The following CFAP47 variants were observed in gnomAD, a reference collection of about 807,000 sequenced individuals.
CFAP47 encodes cilia- and flagella-associated protein 47.
CFAP47 carries 29 observed loss-of-function variants against 148.1 expected under a neutral mutation model. The ratio of observed to expected loss-of-function variants is 0.20; its 90% CI spans 0.15 to 0.27. The LOEUF is 0.27. Ranked by LOEUF, CFAP47 falls within the 10% of genes least tolerant of loss-of-function variation. The pLI is 1.00. For synonymous variants in CFAP47, 664 were observed against 577.3 expected (o/e 1.15, Z -2.15); for missense variants, 1,872 against 1,697.5 (o/e 1.10, Z -1.81).
chrX:36,253,765 T>C (rs1336488009), intron 49 of CFAP47, among the ~76,000 whole-genome samples: 1 of 111,818 alleles, frequency 8.9e-6, no homozygotes, highest in Non-Finnish European at 1.9e-5. Context: ...TCTTTTCTTA[T>C]ATGTTGGCAA....
chrX:36,303,906 A>C lies in CFAP47; in HGVS notation c.8028A>C (p.Gln2676His). 8.8e-7 allele frequency: 1 copy of C among 1,142,319 alleles called. No homozygotes were observed. Among genetic ancestry groups the C allele is most frequent in the Non-Finnish European group, 1.2e-6 (1 of 854,245 alleles). The allele number at this position is 1,142,319 out of a possible 1,213,427, so 94.1% of individuals were successfully genotyped here. The change falls in exon 54 of 64, where the codon CAA becomes CAC. Residue 2676 changes from glutamine (Q) to histidine (H), a missense_variant. Gln to His is a conservative substitution (Grantham distance 24). Coordinates refer to ENST00000378653, the MANE Select transcript of CFAP47 (RefSeq NM_001304548.2). ...VNCTHETLKL[Q>H]VTNSNPENFV... The stretch of plus-strand genomic sequence containing the variant: ...GTACGCATGAAACCTTAAAATTGCA[A>C]GTAACAAACAGTAATCCTGAAAATT...
intron 22 of CFAP47, among the ~76,000 whole-genome samples, chrX:36,026,049 TAC>T (rs1937212510): frequency 8.9e-6 from 1 of 111,940 alleles, no homozygotes; most frequent in South Asian, 3.7e-4. Flanking sequence ...TTCCAAAAAG[TAC>T]ATATGTAACG....
chrX:35,955,754 C>T (rs1159044058), intron 7 of CFAP47, among the ~76,000 whole-genome samples: 1 of 112,225 alleles, frequency 8.9e-6, no homozygotes, highest in Admixed American at 9.5e-5. Context: ...ATGTAAAGTC[C>T]GTAAGAGCAG....
chrX:35,931,252 T>C (rs868492881), intron 2 of CFAP47, among the ~76,000 whole-genome samples: 4 of 111,737 alleles, frequency 3.6e-5, no homozygotes, highest in African/African-American at 1.3e-4. Context: ...TCTGGTAGAT[T>C]GATCCTTTTA....
intron 21 of CFAP47, among the ~76,000 whole-genome samples, chrX:36,004,232 G>A (rs1352473029): frequency 1.8e-5 from 2 of 109,823 alleles, no homozygotes; most frequent in East Asian, 2.9e-4. Context: ...CCACCATGGC[G>A]TCCCAAAATG....
At chrX:36,032,227 C>T (rs1937287610) in intron 23 of CFAP47, among the ~76,000 whole-genome samples, 1 of 109,581 alleles carries the variant, frequency 9.1e-6, no homozygotes, top group Non-Finnish European at 1.9e-5. Flanking sequence ...AAATTTTATT[C>T]AATCGATGTA....
At chrX:35,991,171 C>T (rs1472086870) in intron 16 of CFAP47, among the ~76,000 whole-genome samples, 1 of 111,244 alleles carries the variant, frequency 9.0e-6, no homozygotes, top group Non-Finnish European at 1.9e-5. Flanking sequence ...GTGATAGTAC[C>T]ATCCATTCAT....
At position 36,236,086 on chromosome X, in the gene CFAP47, T is replaced by A; in HGVS notation, c.7158+9T>A. 1 of 461,630 alleles carries A rather than the reference T, an allele frequency of 2.2e-6. No individual in the cohort carries two copies. The highest frequency in any genetic ancestry group is 3.9e-6 in the Non-Finnish European group (1 of 258,323). The allele number at this position is 461,630 out of a possible 1,213,427, so 38.0% of individuals were successfully genotyped here. A position where few individuals can be genotyped will look rare whatever the true frequency, so the allele number is the denominator to read the frequency against. ...TTGAATGTGTCATTACGGTATGAAC[T>A]CCTTGATATTTTCCCCAGTATTAAT... On this transcript the variant is annotated intron_variant, in intron 47 of 63. Transcript: ENST00000378653.
In CFAP47 at chrX:36,159,477, T is replaced by C. The variant is rs927568712; in HGVS notation, c.5838T>C (p.Ala1946=). ...LKFTSRFIRP[A]EASLLLISKP... is the part of the protein sequence containing the mutation. ...TCACCAGTCGCTTTATTCGTCCTGCTGAAGCTTCACTACTATTAATTTCAA... is the reference window on the plus strand; with the variant it reads ...TCACCAGTCGCTTTATTCGTCCTGCCGAAGCTTCACTACTATTAATTTCAA... The change falls in exon 38 of 64, where the codon GCT becomes GCC. Residue 1946 remains alanine, a synonymous_variant. Coordinates refer to ENST00000378653, the MANE Select transcript of CFAP47 (RefSeq NM_001304548.2). The C allele has an allele frequency of 6.8e-6, 2 of 296,094 alleles. No individual in the cohort carries two copies. The highest frequency in any genetic ancestry group is 5.5e-5 in the African/African-American group (2 of 36,430). 24.4% of individuals were successfully genotyped at this position (296,094 alleles called of 1,213,427 possible). A position where few individuals can be genotyped will look rare whatever the true frequency, so the allele number is the denominator to read the frequency against.
rs1157557147 is a variant in CFAP47, at chrX:36,336,214, G to GTC, written c.8444-11901_8444-11900dup. Among the ~76,000 whole-genome samples the GTC allele has an allele frequency of 5.9e-4, 43 of 73,241 alleles. 1 individual carries two copies. The highest frequency in any genetic ancestry group is 7.5e-4 in the African/African-American group (15 of 20,098). 63.6% of individuals were successfully genotyped at this position (73,241 alleles called of 115,157 possible). On this transcript the variant is annotated intron_variant, in intron 57 of 63. Coordinates refer to ENST00000378653, the MANE Select transcript of CFAP47 (RefSeq NM_001304548.2). The stretch of plus-strand genomic sequence containing the variant: ...TGTCTGTCTGTCTGTCTGTCTCTCT[G>GTC]TCTCTCTCTCTCTCTGTCACAGACA...
intron 1 of CFAP47, among the ~76,000 whole-genome samples, chrX:35,923,697 G>A (rs1935614654): frequency 9.2e-6 from 1 of 109,221 alleles, no homozygotes; most frequent in Non-Finnish European, 1.9e-5. Context: ...GTGCACACCT[G>A]TAGTCCCAGC....
intron 39 of CFAP47, among the ~76,000 whole-genome samples, chrX:36,172,628 C>A (rs886562652): frequency 9.0e-6 from 1 of 110,963 alleles, no homozygotes; most frequent in Non-Finnish European, 1.9e-5. Flanking sequence ...TTGAACCAGC[C>A]TTGCATCCCA....
intron 54 of CFAP47, among the ~76,000 whole-genome samples, chrX:36,306,237 A>T: frequency 1.8e-5 from 2 of 111,600 alleles, no homozygotes; most frequent in Non-Finnish European, 3.8e-5. Flanking sequence ...GTCTCTAAAG[A>T]AGTAACTTAA....
At chrX:36,023,059 T>C (rs958775918) in intron 22 of CFAP47, among the ~76,000 whole-genome samples, 5 of 111,934 alleles carry the variant, frequency 4.5e-5, no homozygotes. Flanking sequence ...AAGAGTTATG[T>C]AGTTATTGTA....
At chrX:36,187,330 T>C (rs1403038378) in intron 40 of CFAP47, among the ~76,000 whole-genome samples, 1 of 111,983 alleles carries the variant, frequency 8.9e-6, no homozygotes, top group Non-Finnish European at 1.9e-5. Flanking sequence ...TCCAACAAAA[T>C]AGGTAAAGAC....
At chrX:36,317,683 G>T (rs1396285025) in intron 56 of CFAP47, among the ~76,000 whole-genome samples, 5 of 109,475 alleles carry the variant, frequency 4.6e-5, no homozygotes, top group Non-Finnish European at 7.6e-5. Flanking sequence ...CTCCCAAAGT[G>T]CTGGGATTAC....
Position 36,319,258 on chromosome X carries a change from C to T in CFAP47, c.8394C>T (p.Phe2798=). 8.9e-7 allele frequency: 1 copy of T among 1,129,135 alleles called. No homozygotes were observed. Among genetic ancestry groups the T allele is most frequent in the Admixed American group, 2.8e-5 (1 of 35,780 alleles). The allele number at this position is 1,129,135 out of a possible 1,213,427, so 93.1% of individuals were successfully genotyped here. A position where few individuals can be genotyped will look rare whatever the true frequency, so the allele number is the denominator to read the frequency against. The change falls in exon 57 of 64, where the codon TTC becomes TTT. Residue 2798 remains phenylalanine (F), a synonymous_variant. Coordinates refer to ENST00000378653, the MANE Select transcript of CFAP47 (RefSeq NM_001304548.2). ...TCATGGATCATTGCTGGGATAGCTT[C>T]ATCTATGAGAGTTCTGCCTTCAGAT... ...NLVMDHCWDS[F]IYESSAFRFS...
At chrX:36,140,330 C>T (rs1161499798) in intron 35 of CFAP47, among the ~76,000 whole-genome samples, 2 of 111,636 alleles carry the variant, frequency 1.8e-5, no homozygotes, top group Non-Finnish European at 3.8e-5. Context: ...GGTAGGAGTT[C>T]ATAAGAAATT....
intron 51 of CFAP47, 56 bp from the exon 52 acceptor site, chrX:36,298,921 A>G (rs1314997744): frequency 1.3e-6 from 1 of 762,902 alleles, no homozygotes; most frequent in Non-Finnish European, 1.9e-6. Context: ...CTTTCATAGT[A>G]TAATGACTCC....
Sources: gnomAD v4.1 joint callset for allele counts (sites outside exome capture counted in the v4.1 genomes callset) on GRCh38, gnomAD v4.1.1 for gene constraint, MANE v1.5 for transcripts, NCBI Gene and HGNC (gene_info 2026-07-23, HGNC 2026-07-21) for gene names.